AGAP1: variants seen among roughly 807,000 people sequenced by gnomAD.
AGAP1 encodes the protein ArfGAP with GTPase domain, ankyrin repeat and PH domain 1, also known as arf-GAP with GTPase, ANK repeat and PH domain-containing protein 1.
In AGAP1, 29 loss-of-function variants were observed where a neutral mutation model predicts 105.3. The ratio of observed to expected loss-of-function variants is 0.28; its 90% confidence interval spans 0.21 to 0.38. AGAP1 has a LOEUF of 0.38. Among genes scored for constraint, AGAP1 ranks in the 10% least tolerant of loss-of-function variants. The pLI, the probability that AGAP1 is intolerant of heterozygous loss-of-function variation, is 1.00. For synonymous variants in AGAP1, 509 were observed against 485.9 expected, an observed-to-expected ratio of 1.05 and a Z score of -0.63; for missense variants, 998 against 1,165.1, an observed-to-expected ratio of 0.86 and a Z score of 2.09.
At chr2:235,544,056 C>T (rs1452861707) in intron 1 of AGAP1, among the ~76,000 whole-genome samples, 1 of 152,218 alleles carries the variant, frequency 6.6e-6, no homozygotes, top group Non-Finnish European at 1.5e-5. Context: ...CCTGCCCCCA[C>T]TTTAAACAAG....
intron 9 of AGAP1, among the ~76,000 whole-genome samples, chr2:235,873,519 C>T (rs1207303204): frequency 2.6e-5 from 4 of 151,742 alleles, no homozygotes; most frequent in Non-Finnish European, 2.9e-5. Flanking sequence ...TAAAGGTTTA[C>T]ATGTATAAAT....
In AGAP1 at chr2:235,957,612, T is replaced by C. The variant is rs1041028539; in HGVS notation, c.1484-10850T>C. ...AGGACTATGCGAAGGGGTGAGGTTT[T>C]GAACCTCACTTCACACTCACCTTTT... is the stretch of plus-strand genomic sequence containing the variant. On this transcript the variant is annotated intron_variant, in intron 12 of 17. Coordinates refer to ENST00000304032, the MANE Select transcript of AGAP1 (RefSeq NM_001037131.3). The surrounding 1 kb of genome is among the most constrained non-coding windows in gnomAD (Gnocchi z 4.6). 6.6e-6 allele frequency among the ~76,000 whole-genome samples: 1 copy of C among 152,214 alleles called. No homozygotes were observed. Among genetic ancestry groups the C allele is most frequent in the African/African-American group, 2.4e-5 (1 of 41,452 alleles).
chr2:235,799,266 C>A lies in AGAP1; in HGVS notation c.802-101C>A. On this transcript the variant is annotated intron_variant, in intron 7 of 17. Coordinates refer to ENST00000304032, the MANE Select transcript of AGAP1 (RefSeq NM_001037131.3). The surrounding 1 kb of genome is among the most constrained non-coding windows in gnomAD (Gnocchi z 5.0). ...GTCAGCCATTCCCATGCATCCCTTC[C>A]ATGGGGCTCATGCTCACTTGTTGGT... is the stretch of plus-strand genomic sequence containing the variant. 1 of 1,379,300 alleles carries A rather than the reference C, an allele frequency of 7.3e-7. No homozygotes were observed. The highest frequency in any genetic ancestry group is 1.3e-5 in the South Asian group (1 of 75,440). 85.4% of individuals were successfully genotyped at this position (1,379,300 alleles called of 1,614,324 possible).
chr2:235,700,242 G>C lies in AGAP1; in HGVS notation c.164-8937G>C, dbSNP rs1318669098. ...ACACAGTTCTTCTGAAGGAAATGCGGAAGATAATCCCAGCAGTGCAGGAGA... is the reference window on the plus strand; with the variant it reads ...ACACAGTTCTTCTGAAGGAAATGCGCAAGATAATCCCAGCAGTGCAGGAGA... On this transcript the variant is annotated intron_variant, in intron 1 of 17. Transcript: ENST00000304032. The surrounding 1 kb of genome is among the most constrained non-coding windows in gnomAD (Gnocchi z 6.1). Among the ~76,000 whole-genome samples the C allele has an allele frequency of 6.6e-6, 1 of 152,192 alleles. No homozygotes were observed. Among genetic ancestry groups the C allele is most frequent in the Non-Finnish European group, 1.5e-5 (1 of 68,036 alleles).
rs768700434 is a variant in AGAP1, at chr2:235,977,793, A to T, written c.1645+9170A>T. On this transcript the variant is annotated intron_variant, in intron 13 of 17. Transcript: ENST00000304032. The surrounding 1 kb of genome is among the most constrained non-coding windows in gnomAD (Gnocchi z 5.2). Reference sequence around the variant, plus strand: ...CTAATGCAAAACTTAGTCTGTGTGGAAGCAACTTGGCAAATGGGGAGGATG... The same window carrying T: ...CTAATGCAAAACTTAGTCTGTGTGGTAGCAACTTGGCAAATGGGGAGGATG... 5.3e-5 allele frequency among the ~76,000 whole-genome samples: 8 copies of T among 152,186 alleles called. No individual in the cohort carries two copies. The highest frequency in any genetic ancestry group is 1.2e-4 in the Non-Finnish European group (8 of 68,034).
rs538926568 is a variant in AGAP1 at position 235,993,318 on chromosome 2, C to T, written c.1645+24695C>T. Among the ~76,000 whole-genome samples the T allele has an allele frequency of 6.6e-6, 1 of 152,300 alleles. No homozygotes were observed. The highest frequency in any genetic ancestry group is 1.5e-5 in the Non-Finnish European group (1 of 68,022). On this transcript the variant is annotated intron_variant, in intron 13 of 17. Coordinates refer to ENST00000304032, the MANE Select transcript of AGAP1 (RefSeq NM_001037131.3). The surrounding 1 kb of genome is among the most constrained non-coding windows in gnomAD (Gnocchi z 5.0). Reference sequence around the variant, plus strand: ...TCTGAGCTGCTGTCAGTGGTTTAAACATTTCACTTGGGTTAGCCTTGTCCC... The same window carrying T: ...TCTGAGCTGCTGTCAGTGGTTTAAATATTTCACTTGGGTTAGCCTTGTCCC...
rs758200342 is a variant in AGAP1, at chr2:235,930,937, C to A, written c.1483+14C>A. The A allele has an allele frequency of 3.1e-5, 50 of 1,611,774 alleles. No homozygotes were observed. Among genetic ancestry groups the A allele is most frequent in the Non-Finnish European group, 4.2e-5 (50 of 1,178,808 alleles). ...CCATCAGCAGTGGTAAGAGGGGGCTCAGCCCCACGGACCCGCAGCCACCTC... is the reference window on the plus strand; with the variant it reads ...CCATCAGCAGTGGTAAGAGGGGGCTAAGCCCCACGGACCCGCAGCCACCTC... On this transcript the variant is annotated intron_variant, in intron 12 of 17. Coordinates refer to ENST00000304032, the MANE Select transcript of AGAP1 (RefSeq NM_001037131.3). This position sits in a 1 kb window ranked among gnomAD's most constrained non-coding sequence, Gnocchi z 7.9.
chr2:235,824,401 A>G lies in AGAP1; in HGVS notation c.1050+17070A>G, dbSNP rs565490165. On this transcript the variant is annotated intron_variant, in intron 9 of 17. Coordinates refer to ENST00000304032, the MANE Select transcript of AGAP1 (RefSeq NM_001037131.3). This position sits in a 1 kb window ranked among gnomAD's most constrained non-coding sequence, Gnocchi z 5.2. ...ATTGGTAACTGGTAGCTACCAGTGT[A>G]ATTAAATATTTCAGAGCACTTGGCT... 5.3e-5 allele frequency among the ~76,000 whole-genome samples: 8 copies of G among 152,338 alleles called. No homozygotes were observed. In the East Asian group the frequency reaches 1.5e-3, roughly 29 times the overall value.
intron 1 of AGAP1, among the ~76,000 whole-genome samples, chr2:235,652,819 G>A (rs897332676): frequency 6.6e-6 from 1 of 151,734 alleles, no homozygotes. Flanking sequence ...TTGATCAGGG[G>A]CAGGGAGCAG....
chr2:235,726,932 CA>C (rs1231506838), intron 3 of AGAP1, among the ~76,000 whole-genome samples: 1 of 152,178 alleles, frequency 6.6e-6, no homozygotes, highest in Non-Finnish European at 1.5e-5. Flanking sequence ...CCCTCTCCCC[CA>C]TTTCTTGCCT....
At chr2:235,892,762 A>C (rs770743453) in intron 10 of AGAP1, among the ~76,000 whole-genome samples, 1 of 152,112 alleles carries the variant, frequency 6.6e-6, no homozygotes, top group Non-Finnish European at 1.5e-5. Flanking sequence ...GCTAGGATGG[A>C]CCTCAGACTT....
rs1048770355 is a variant in AGAP1 at position 235,623,246 on chromosome 2, G to A, written c.164-85933G>A. Among the ~76,000 whole-genome samples the A allele has an allele frequency of 6.6e-6, 1 of 152,216 alleles. No homozygotes were observed. Among genetic ancestry groups the A allele is most frequent in the African/African-American group, 2.4e-5 (1 of 41,448 alleles). ...TGTTTTGGAGATTTATGCGTGTTCT[G>A]CAGGCTGACCTCTGCTTGTTGATCG... On this transcript the variant is annotated intron_variant, in intron 1 of 17. Coordinates refer to ENST00000304032, the MANE Select transcript of AGAP1 (RefSeq NM_001037131.3). The surrounding 1 kb of genome is among the most constrained non-coding windows in gnomAD (Gnocchi z 4.5).
rs780037756 is a variant in AGAP1 at position 236,036,764 on chromosome 2, G to A, written c.1800+49G>A. 5 of 1,606,570 alleles carry A rather than the reference G, an allele frequency of 3.1e-6. No homozygotes were observed. The highest frequency in any genetic ancestry group is 1.1e-5 in the South Asian group (1 of 89,788). ...CCAAGGCTGGGGCTGCTCAGGGGGA[G>A]TGCGGGCCCCAAGTAATGCCCCAGG... On this transcript the variant is annotated intron_variant, in intron 14 of 17. Coordinates refer to ENST00000304032, the MANE Select transcript of AGAP1 (RefSeq NM_001037131.3). This position sits in a 1 kb window ranked among gnomAD's most constrained non-coding sequence, Gnocchi z 5.7.
At chr2:235,758,184 CA>C (rs1954094298) in intron 6 of AGAP1, among the ~76,000 whole-genome samples, 1 of 151,174 alleles carries the variant, frequency 6.6e-6, no homozygotes, top group African/African-American at 2.5e-5. Context: ...GGGAATACTT[CA>C]AAAAATAAGA....
intron 13 of AGAP1, among the ~76,000 whole-genome samples, chr2:236,023,241 A>T (rs1488827285): frequency 1.3e-5 from 2 of 152,162 alleles, no homozygotes; most frequent in Admixed American, 6.5e-5. Context: ...AACAGTTAGG[A>T]ATGTCTGTTT....
intron 9 of AGAP1, among the ~76,000 whole-genome samples, chr2:235,847,904 A>G (rs1434918026): frequency 6.6e-6 from 1 of 152,212 alleles, no homozygotes; most frequent in Non-Finnish European, 1.5e-5. Context: ...CTTGGAAGCC[A>G]CTTCTCACAC....
At chr2:235,685,669 G>T (rs933730431) in intron 1 of AGAP1, among the ~76,000 whole-genome samples, 1 of 151,948 alleles carries the variant, frequency 6.6e-6, no homozygotes, top group African/African-American at 2.4e-5. Context: ...CATATTGTTA[G>T]CACCTTTCGA....
In AGAP1 at chr2:235,877,437, G is replaced by A. The variant is rs566672068; in HGVS notation, c.1051-5908G>A. On this transcript the variant is annotated intron_variant, in intron 9 of 17. Transcript: ENST00000304032. The surrounding 1 kb of genome is among the most constrained non-coding windows in gnomAD (Gnocchi z 4.3). ...AGGCTCCTTTGGTGTCAGCTGCCTCGTGACCGTATCACGTGGTGACCCCAG... is the reference window on the plus strand; with the variant it reads ...AGGCTCCTTTGGTGTCAGCTGCCTCATGACCGTATCACGTGGTGACCCCAG... Among the ~76,000 whole-genome samples the A allele has an allele frequency of 7.9e-5, 12 of 152,258 alleles. No homozygotes were observed. In the East Asian group the frequency reaches 1.5e-3, roughly 20 times the overall value.
intron 16 of AGAP1, among the ~76,000 whole-genome samples, chr2:236,102,706 T>TC (rs2059387203): frequency 2.6e-5 from 4 of 152,034 alleles, no homozygotes. Flanking sequence ...AGGAAGGGGC[T>TC]CAGAGACACA....
Sources: gnomAD v4.1 joint callset for allele counts (sites outside exome capture counted in the v4.1 genomes callset) on GRCh38, gnomAD v4.1.1 for gene constraint, Gnocchi (gnomAD v3.1) non-coding constraint, MANE v1.5 for transcripts, NCBI Gene and HGNC (gene_info 2026-07-23, HGNC 2026-07-21) for gene names.